ESRRG: variants seen among roughly 807,000 people sequenced by gnomAD.
ESRRG encodes estrogen related receptor gamma.
In ESRRG, 13 loss-of-function variants were observed where a neutral mutation model predicts 44.0. The ratio of observed to expected loss-of-function variants is 0.30; its 90% confidence interval spans 0.19 to 0.47. The LOEUF is 0.47. Among genes scored for constraint, ESRRG ranks in the 20% least tolerant of loss-of-function variants. The pLI, the probability that ESRRG is intolerant of heterozygous loss-of-function variation, is 1.00. For synonymous variants in ESRRG, 215 were observed against 214.6 expected, an observed-to-expected ratio of 1.00 and a Z score of -0.02; for missense variants, 395 against 580.6, an observed-to-expected ratio of 0.68 and a Z score of 3.29.
At chr1:216,702,652 C>T (rs1006865035) in intron 1 of ESRRG, among the ~76,000 whole-genome samples, 1 of 150,282 alleles carries the variant, frequency 6.7e-6, no homozygotes, top group Non-Finnish European at 1.5e-5. Context: ...TGGCATATGC[C>T]TGTAATCCCA....
At chr1:216,766,396 T>G (rs1350005592) in intron 2 of ESRRG, among the ~76,000 whole-genome samples, 1 of 151,944 alleles carries the variant, frequency 6.6e-6, no homozygotes, top group African/African-American at 2.4e-5. Flanking sequence ...TCCCTGACTT[T>G]TCCTTGATTC....
chr1:216,567,677 T>A (rs1006278683), intron 4 of ESRRG, among the ~76,000 whole-genome samples: 1 of 152,090 alleles, frequency 6.6e-6, no homozygotes, highest in Non-Finnish European at 1.5e-5. Context: ...CCTCTGCAAA[T>A]AAAGATAACC....
intron 2 of ESRRG, among the ~76,000 whole-genome samples, chr1:216,659,390 G>A (rs563963895): frequency 7.9e-5 from 12 of 152,280 alleles, no homozygotes; most frequent in South Asian, 2.1e-4. Flanking sequence ...TAAAAGTACC[G>A]AAATGTCTGA....
At position 217,048,133 on chromosome 1, in the gene ESRRG, G is replaced by C. The variant is rs2085222716; in HGVS notation, c.-106+41374C>G. Among the ~76,000 whole-genome samples, 3 of 152,292 alleles carry C rather than the reference G, an allele frequency of 2.0e-5. No homozygotes were observed. The Middle Eastern group carries it at 0.01, about 518-fold the overall frequency. ...GTGAAGGGAAACACAAGTTAGCAGA[G>C]AGTAAGTGTAAGGGTAGCTTCCCAG... On this transcript the variant is annotated intron_variant, in intron 1 of 7. Coordinates refer to the ESRRG transcript ENST00000359162.
chr1:216,770,921 C>A (rs533936251), intron 2 of ESRRG, among the ~76,000 whole-genome samples: 19 of 152,248 alleles, frequency 1.2e-4, no homozygotes, highest in Admixed American at 8.5e-4. Context: ...TTCATTCATT[C>A]ACTCATTCAC....
At chr1:216,671,531 T>C (rs1382151226) in intron 2 of ESRRG, among the ~76,000 whole-genome samples, 1 of 152,314 alleles carries the variant, frequency 6.6e-6, no homozygotes, top group South Asian at 2.1e-4. Context: ...CCAAAGTTAA[T>C]AATTTAGTGT....
chr1:216,584,176 T>A (rs936894761), intron 3 of ESRRG, among the ~76,000 whole-genome samples: 2 of 152,180 alleles, frequency 1.3e-5, no homozygotes, highest in Non-Finnish European at 2.9e-5. Context: ...ATAGGGCTTA[T>A]AAGATCTTTC....
intron 1 of ESRRG, among the ~76,000 whole-genome samples, chr1:217,020,641 A>G (rs2080148303): frequency 6.6e-6 from 1 of 152,208 alleles, no homozygotes; most frequent in East Asian, 1.9e-4. Context: ...GGGCAAGGAC[A>G]AGAAGAACAA....
At chr1:217,115,691 T>G (rs550532748) in intron 1 of ESRRG, among the ~76,000 whole-genome samples, 5 of 152,294 alleles carry the variant, frequency 3.3e-5, no homozygotes, top group African/African-American at 9.6e-5. Context: ...GCATGCCTTC[T>G]TTGTCTGCCT....
At chr1:216,593,172 G>C (rs571485701) in intron 3 of ESRRG, among the ~76,000 whole-genome samples, 1 of 152,290 alleles carries the variant, frequency 6.6e-6, no homozygotes, top group South Asian at 2.1e-4. Context: ...CAGTCACTAT[G>C]CCATCTCAAT....
chr1:216,507,354 C>T (rs1381243243), intron 6 of ESRRG, among the ~76,000 whole-genome samples, 171 bp from the exon 7 acceptor site: 2 of 152,224 alleles, frequency 1.3e-5, no homozygotes, highest in African/African-American at 4.8e-5. Flanking sequence ...TTCCAAATTT[C>T]CCTACATAAT....
At chr1:216,740,007 T>A (rs2090463101) in intron 2 of ESRRG, among the ~76,000 whole-genome samples, 2 of 152,180 alleles carry the variant, frequency 1.3e-5, no homozygotes, top group Admixed American at 1.3e-4. Context: ...GTCTGACTGC[T>A]GACCTCGGCT....
chr1:216,622,316 T>C (rs2150495615), intron 3 of ESRRG, among the ~76,000 whole-genome samples: 1 of 152,340 alleles, frequency 6.6e-6, no homozygotes, highest in Admixed American at 6.5e-5. Flanking sequence ...AAGGACTGCT[T>C]AAAACACTCT....
chr1:216,705,067 G>A (rs190748408), intron 1 of ESRRG, among the ~76,000 whole-genome samples: 1 of 152,176 alleles, frequency 6.6e-6, no homozygotes, highest in Non-Finnish European at 1.5e-5. Context: ...GTCTATTTCA[G>A]TATAAATGAC....
chr1:216,938,666 A>G (rs562876634), intron 2 of ESRRG, among the ~76,000 whole-genome samples: 16 of 152,328 alleles, frequency 1.1e-4, no homozygotes, highest in African/African-American at 3.8e-4. Context: ...AGCAAGTACC[A>G]TTGAAAGGCA....
At chr1:216,626,688 T>C (rs1288344735) in intron 3 of ESRRG, among the ~76,000 whole-genome samples, 1 of 152,204 alleles carries the variant, frequency 6.6e-6, no homozygotes, top group Non-Finnish European at 1.5e-5. Context: ...CCCACTCTGT[T>C]CACTTCTTTC....
chr1:216,763,983 G>T (rs1452043736), intron 2 of ESRRG, among the ~76,000 whole-genome samples: 2 of 152,042 alleles, frequency 1.3e-5, no homozygotes, highest in Non-Finnish European at 2.9e-5. Flanking sequence ...ATAAAATTCA[G>T]GACAGATTGA....
At chr1:217,023,681 G>A (rs1287179657) in intron 1 of ESRRG, among the ~76,000 whole-genome samples, 1 of 152,236 alleles carries the variant, frequency 6.6e-6, no homozygotes, top group African/African-American at 2.4e-5. Context: ...TCACAAGGGT[G>A]TGGATTTCCT....
At position 216,613,746 on chromosome 1, in the gene ESRRG, T is replaced by C. The variant is rs551627876; in HGVS notation, c.589+37227A>G. Among the ~76,000 whole-genome samples the C allele has an allele frequency of 6.6e-5, 10 of 152,350 alleles. No homozygotes were observed. The East Asian group carries it at 1.7e-3, about 26-fold the overall frequency. On this transcript the variant is annotated intron_variant, in intron 3 of 6. Transcript: ENST00000408911. ...CAGTGGCAACATAAAAATTCCTTTA[T>C]CATTCTTCTTTTTCTTCTCTTGAAG... is the stretch of plus-strand genomic sequence containing the variant.
Sources: gnomAD v4.1 joint callset for allele counts (sites outside exome capture counted in the v4.1 genomes callset) on GRCh38, gnomAD v4.1.1 for gene constraint, MANE v1.5 for transcripts, NCBI Gene and HGNC (gene_info 2026-07-23, HGNC 2026-07-21) for gene names.